The following COG4 variants were observed in gnomAD, a reference collection of about 807,000 sequenced individuals.
The protein encoded by COG4 is conserved oligomeric Golgi complex subunit 4.
COG4 carries 65 observed loss-of-function variants against 95.1 expected under a neutral mutation model. The observed-to-expected ratio is 0.68, with a 90% CI of 0.56 to 0.84. The LOEUF is 0.84. Ranked by LOEUF, COG4 falls within the 40% of genes least tolerant of loss-of-function variation. The pLI, the probability that COG4 is intolerant of heterozygous loss-of-function variation, is 0.00. For synonymous variants in COG4, 421 were observed against 374.8 expected, an observed-to-expected ratio of 1.12 and a Z score of -1.42; for missense variants, 1,045 against 989.1, an observed-to-expected ratio of 1.06 and a Z score of -0.76.
intron 5 of COG4, among the ~76,000 whole-genome samples, chr16:70,511,708 G>A (rs148888847): frequency 3.9e-5 from 6 of 152,126 alleles, no homozygotes; most frequent in South Asian, 2.1e-4. Context: ...CGAGGTGGGC[G>A]GATCACCTGA....
chr16:70,480,887 C>T lies in COG4; in HGVS notation c.*123G>A, dbSNP rs1195849635. On this transcript the variant is annotated 3_prime_UTR_variant, in exon 19 of 19. Transcript: ENST00000323786. The stretch of plus-strand genomic sequence containing the variant: ...CCAGACTTTGTTTCTCTGCTGCCAG[C>T]CGTAGAAAGGTCTGGGCTGTCAGAT... The T allele has an allele frequency of 1.7e-6, 2 of 1,172,006 alleles. No individual in the cohort carries two copies. Among genetic ancestry groups the T allele is most frequent in the East Asian group, 4.7e-5 (2 of 42,456 alleles). The allele number at this position is 1,172,006 out of a possible 1,614,324, so 72.6% of individuals were successfully genotyped here. A position where few individuals can be genotyped will look rare whatever the true frequency, so the allele number is the denominator to read the frequency against.
At chr16:70,486,866 C>G (rs1439301798) in intron 13 of COG4, among the ~76,000 whole-genome samples, 1 of 151,970 alleles carries the variant, frequency 6.6e-6, no homozygotes, top group Non-Finnish European at 1.5e-5. Flanking sequence ...TGTGGTGGCG[C>G]ACACCTGTAG....
In COG4 at chr16:70,498,122, T is replaced by C. The variant is rs577465391; in HGVS notation, c.1196-67A>G. 7.0e-4 allele frequency: 642 copies of C among 921,676 alleles called. 3 individuals are homozygous for C. The Middle Eastern group carries it at 0.01, about 15-fold the overall frequency. The allele number at this position is 921,676 out of a possible 1,614,324, so 57.1% of individuals were successfully genotyped here. A position where few individuals can be genotyped will look rare whatever the true frequency, so the allele number is the denominator to read the frequency against. ...AAGGGAAACAGAGCAACTTTTTTCA[T>C]TTTTTCAGGTTCCTTTATAGTCTTT... On this transcript the variant is annotated intron_variant, in intron 9 of 18. Transcript: ENST00000323786.
chr16:70,481,503 A>G lies in COG4; in HGVS notation c.2107-16T>C, dbSNP rs2048991610. On this transcript the variant is annotated splice_polypyrimidine_tract_variant and intron_variant, in intron 17 of 18. Coordinates refer to ENST00000323786, the MANE Select transcript of COG4 (RefSeq NM_015386.3). ...GACCACCCAGCTGCAGGAGAACCCA[A>G]GCCCAGTCACTACTTAGGCCTGGCC... The G allele has an allele frequency of 6.2e-7, 1 of 1,610,808 alleles. No individual in the cohort carries two copies. Among genetic ancestry groups the G allele is most frequent in the Admixed American group, 1.7e-5 (1 of 60,008 alleles).
At chr16:70,504,251 A>G (rs2049513038) in intron 8 of COG4, among the ~76,000 whole-genome samples, 1 of 152,144 alleles carries the variant, frequency 6.6e-6, no homozygotes, top group Admixed American at 6.6e-5. Flanking sequence ...TCTAGTGGAT[A>G]GAGGCCAGGG....
chr16:70,512,562 G>A lies in COG4; in HGVS notation c.545-130C>T. 1.0e-5 allele frequency: 8 copies of A among 765,422 alleles called. No homozygotes were observed. In the South Asian group the frequency reaches 1.2e-4, roughly 11 times the overall value. 47.4% of individuals were successfully genotyped at this position (765,422 alleles called of 1,614,324 possible). The stretch of plus-strand genomic sequence containing the variant: ...TTACCATGTGCAAGATGCTGTGCTA[G>A]TAATATGCATGATTACAAGATGAAT... On this transcript the variant is annotated intron_variant, in intron 4 of 18. Transcript: ENST00000323786.
At chr16:70,497,916 G>C (rs577912013) in intron 10 of COG4, 21 bp downstream of exon 10, 2 of 1,395,784 alleles carry the variant, frequency 1.4e-6, no homozygotes, top group South Asian at 2.3e-5. Context: ...CCATTTCCAA[G>C]AGATGCGTCC....
rs1208276638 is a variant in COG4 at position 70,514,348 on chromosome 16, T to G, written c.531A>C (p.Arg177=). ...TCGGATGCTGACCCTCTTTGCCCTG[T>G]CGGCTGAGCTCAATGACCGACTTGT... The part of the protein sequence containing the change: ...CLDKSVIELS[R]QGKEGSMIDA... Residue 177 remains arginine, a synonymous_variant, in exon 4 of 19, where the codon CGA becomes CGC. Transcript: ENST00000323786. 5.6e-6 allele frequency: 9 copies of G among 1,614,134 alleles called. No individual in the cohort carries two copies. The highest frequency in any genetic ancestry group is 7.6e-6 in the Non-Finnish European group (9 of 1,180,054).
At chr16:70,485,587 G>GTT (rs764600650) in intron 13 of COG4, among the ~76,000 whole-genome samples, 42 of 124,128 alleles carry the variant, frequency 3.4e-4, no homozygotes, top group South Asian at 7.9e-4. Context: ...TGTTTTTTTT[G>GTT]TTTTTTTTTT....
intron 8 of COG4, among the ~76,000 whole-genome samples, chr16:70,505,290 C>T (rs866304720): frequency 7.3e-5 from 11 of 150,782 alleles, no homozygotes; most frequent in Middle Eastern, 3.4e-3. Flanking sequence ...CTCCACCTCC[C>T]GGGTTCACGC....
At chr16:70,512,783 T>C (rs1007153677) in intron 4 of COG4, among the ~76,000 whole-genome samples, 2 of 152,104 alleles carry the variant, frequency 1.3e-5, no homozygotes, top group Non-Finnish European at 2.9e-5. Context: ...ATTGAGACCA[T>C]CCTGGCCAAC....
intron 12 of COG4, among the ~76,000 whole-genome samples, chr16:70,494,983 T>G (rs1213094344): frequency 6.6e-5 from 10 of 152,200 alleles, no homozygotes; most frequent in Admixed American, 6.6e-4. Context: ...TGGATCTGTC[T>G]CATAACTAGT....
At position 70,493,983 on chromosome 16, in the gene COG4, G is replaced by C. The variant is rs184480356; in HGVS notation, c.1647+2283C>G. ...GTAAAAGGAGGATCTCAGAACCCCA[G>C]GGGCTGTGATTAGGAAGTCCCTCTC... On this transcript the variant is annotated intron_variant, in intron 12 of 18. Coordinates refer to ENST00000323786, the MANE Select transcript of COG4 (RefSeq NM_015386.3). Among the ~76,000 whole-genome samples, 27 of 152,288 alleles carry C rather than the reference G, an allele frequency of 1.8e-4. No individual in the cohort carries two copies. In the East Asian group the frequency reaches 5.2e-3, roughly 29 times the overall value.
At position 70,481,461 on chromosome 16, in the gene COG4, C is replaced by T; in HGVS notation, c.2133G>A (p.Glu711=). Residue 711 remains glutamate (E), a synonymous_variant, in exon 18 of 19, where the codon GAG becomes GAA. Coordinates refer to ENST00000323786, the MANE Select transcript of COG4 (RefSeq NM_015386.3). ...TAAGGTAGGCAATGAGCGACCTCAG[C>T]TCCTTGTCAAACTGCAGACCACCCA... ...NRLGGLQFDK[E]LRSLIAYLTT... 3 of 1,612,702 alleles carry T rather than the reference C, an allele frequency of 1.9e-6. No individual in the cohort carries two copies. Among genetic ancestry groups the T allele is most frequent in the Non-Finnish European group, 2.5e-6 (3 of 1,180,014 alleles).
Position 70,482,734 on chromosome 16 carries a change from C to G in COG4, c.1915G>C (p.Glu639Gln), listed in dbSNP as rs373916407. The change falls in exon 15 of 19, where the codon GAG (glutamate) becomes CAG (glutamine). Residue 639 changes from glutamate (E) to glutamine (Q), a missense_variant. Coordinates refer to ENST00000323786, the MANE Select transcript of COG4 (RefSeq NM_015386.3). ...CTGCCTGTGGCCAGGCTAACCTCCT[C>G]GATGTTGTGGGAGACGGAGAAAAAG... ...NSFFSVSHNIEEEEFNDYEAN... is the reference protein window; with the variant it reads ...NSFFSVSHNIQEEEFNDYEAN... 8 of 1,613,406 alleles carry G rather than the reference C, an allele frequency of 5.0e-6. No homozygotes were observed. The highest frequency in any genetic ancestry group is 1.6e-4 in the Middle Eastern group (1 of 6,084).
At chr16:70,520,516 C>G (rs2049919366) in intron 1 of COG4, among the ~76,000 whole-genome samples, 9 of 150,848 alleles carry the variant, frequency 6.0e-5, no homozygotes, top group Admixed American at 6.0e-4. Flanking sequence ...CCTGTAATCC[C>G]AGCTACACAG....
chr16:70,511,565 T>A (rs922492462), intron 5 of COG4, among the ~76,000 whole-genome samples: 1 of 149,714 alleles, frequency 6.7e-6, no homozygotes, highest in African/African-American at 2.5e-5. Flanking sequence ...AAAAAAAAAA[T>A]TGCAACGCAT....
chr16:70,492,082 C>A (rs1300126281), intron 12 of COG4, among the ~76,000 whole-genome samples: 2 of 152,068 alleles, frequency 1.3e-5, no homozygotes, highest in East Asian at 3.9e-4. Context: ...AGTGACAAGG[C>A]CACAAAGCTG....
At chr16:70,491,565 C>G (rs934187154) in intron 12 of COG4, among the ~76,000 whole-genome samples, 1 of 147,822 alleles carries the variant, frequency 6.8e-6, no homozygotes, top group Non-Finnish European at 1.5e-5. Flanking sequence ...TAGCTCATGC[C>G]TGTAATCCCA....
Sources: allele counts gnomAD v4.1 joint callset (sites outside exome capture counted in the v4.1 genomes callset), GRCh38; gene constraint gnomAD v4.1.1; transcripts MANE v1.5; gene names NCBI Gene and HGNC (gene_info 2026-07-23, HGNC 2026-07-21).